PNLIPRP3: variants seen among roughly 807,000 people sequenced by gnomAD.
The protein encoded by PNLIPRP3 is pancreatic lipase-related protein 3.
PNLIPRP3 carries 58 observed loss-of-function variants against 52.8 expected under a neutral mutation model. The observed-to-expected ratio is 1.10, with a 90% CI of 0.89 to 1.37. The LOEUF (loss-of-function observed/expected upper bound fraction) is 1.37, where lower values mean the gene tolerates loss of function less well. Among genes scored for constraint, PNLIPRP3 ranks in the 40% most tolerant of loss-of-function variants. The pLI is 0.00. For synonymous variants in PNLIPRP3, 192 were observed against 185.0 expected (o/e 1.04, Z -0.31); for missense variants, 593 against 561.6 (o/e 1.06, Z -0.57).
At chr10:116,429,373 G>A (rs1485382070) in intron 1 of PNLIPRP3, among the ~76,000 whole-genome samples, 4 of 152,142 alleles carry the variant, frequency 2.6e-5, no homozygotes, top group African/African-American at 9.7e-5. Context: ...TTGGATAAGG[G>A]ATACTCAATC....
At chr10:116,443,797 GTGTGCATATATATATA>G (rs1278445667) in intron 3 of PNLIPRP3, among the ~76,000 whole-genome samples, 4,047 of 120,064 alleles carry the variant, frequency 0.034, 247 homozygotes, top group Middle Eastern at 0.045. Context: ...ATGTATGTGT[GTGTGCATATATATATA>G]TATATATATA....
intron 4 of PNLIPRP3, among the ~76,000 whole-genome samples, chr10:116,451,180 G>A (rs1846031354): frequency 6.6e-6 from 1 of 152,046 alleles, no homozygotes; most frequent in Non-Finnish European, 1.5e-5. Flanking sequence ...AGAAAGGATA[G>A]GCTCTTCCTA....
intron 6 of PNLIPRP3, 23 bp downstream of exon 6, chr10:116,461,108 A>G (rs1464928185): frequency 1.2e-6 from 2 of 1,614,030 alleles, no homozygotes; most frequent in East Asian, 4.5e-5. Context: ...AGAATCAGAA[A>G]CTTCATTGAA....
chr10:116,433,584 T>C (rs929843327), intron 1 of PNLIPRP3, among the ~76,000 whole-genome samples: 2 of 152,210 alleles, frequency 1.3e-5, no homozygotes, highest in African/African-American at 4.8e-5. Flanking sequence ...AGTATGTAGA[T>C]TGTATTGTTG....
At chr10:116,446,117 C>A (rs1003872568) in intron 4 of PNLIPRP3, among the ~76,000 whole-genome samples, 33 of 152,090 alleles carry the variant, frequency 2.2e-4, no homozygotes, top group African/African-American at 6.3e-4. Context: ...GAGGCCAAGG[C>A]GGGTAGATCA....
At chr10:116,439,724 C>T (rs1349183855) in intron 2 of PNLIPRP3, 6 of 769,828 alleles carry the variant, frequency 7.8e-6, no homozygotes, top group Middle Eastern at 3.5e-4. Flanking sequence ...TTGATCTAGG[C>T]GCAGAATTCT....
intron 10 of PNLIPRP3, among the ~76,000 whole-genome samples, chr10:116,474,984 C>T (rs1846435304): frequency 6.6e-6 from 1 of 152,152 alleles, no homozygotes; most frequent in Non-Finnish European, 1.5e-5. Context: ...CACATGCATG[C>T]ATATGTTCAT....
At chr10:116,468,124 C>T (rs1373798612) in intron 8 of PNLIPRP3, among the ~76,000 whole-genome samples, 4 of 59,212 alleles carry the variant, frequency 6.8e-5, no homozygotes, top group Non-Finnish European at 1.2e-4. Context: ...GACTCTGTCT[C>T]GCAAAAAAAA....
chr10:116,427,873 A>G lies in PNLIPRP3; in HGVS notation c.-140A>G, dbSNP rs1475150950. Reference sequence around the variant, plus strand: ...TTTACTTTGCAGAGCATAAGGTGGAATAACATGTTCTTTTAAACGTAGAGT... The same window carrying G: ...TTTACTTTGCAGAGCATAAGGTGGAGTAACATGTTCTTTTAAACGTAGAGT... On this transcript the variant is annotated 5_prime_UTR_variant, in exon 1 of 12. Transcript: ENST00000369230. The G allele has an allele frequency of 1.2e-5, 8 of 683,156 alleles. No homozygotes were observed. The East Asian group carries it at 2.2e-4, about 19-fold the overall frequency. The allele number at this position is 683,156 out of a possible 1,614,324, so 42.3% of individuals were successfully genotyped here. A position where few individuals can be genotyped will look rare whatever the true frequency, so the allele number is the denominator to read the frequency against.
chr10:116,469,911 T>C (rs1204425866), intron 9 of PNLIPRP3, among the ~76,000 whole-genome samples: 1 of 150,356 alleles, frequency 6.7e-6, no homozygotes, highest in Non-Finnish European at 1.5e-5. Context: ...TCTGCATGGA[T>C]TAGAAGGCCA....
Position 116,427,932 on chromosome 10 carries a change from C to A in PNLIPRP3, c.-81C>A, listed in dbSNP as rs41284366. On this transcript the variant is annotated 5_prime_UTR_variant, in exon 1 of 12. Coordinates refer to ENST00000369230, the MANE Select transcript of PNLIPRP3 (RefSeq NM_001011709.3). Reference sequence around the variant, plus strand: ...TGAGTTGCATCATTGTGAGGAAAACCACTTAGTATTTTATAGTGAGGTGAC... The same window carrying A: ...TGAGTTGCATCATTGTGAGGAAAACAACTTAGTATTTTATAGTGAGGTGAC... 23,538 of 1,057,142 alleles carry A rather than the reference C, an allele frequency of 0.022. 339 individuals are homozygous for A. Among genetic ancestry groups the A allele is most frequent in the Non-Finnish European group, 0.029 (19,891 of 684,276 alleles). 65.5% of individuals were successfully genotyped at this position (1,057,142 alleles called of 1,614,324 possible).
intron 3 of PNLIPRP3, among the ~76,000 whole-genome samples, chr10:116,443,603 T>TTA (rs1427094838): frequency 5.5e-5 from 4 of 72,098 alleles, no homozygotes; most frequent in Admixed American, 4.1e-4. Flanking sequence ...AGAATTAAAT[T>TTA]TATATATATG....
intron 9 of PNLIPRP3, among the ~76,000 whole-genome samples, chr10:116,469,998 A>G (rs1411085768): frequency 6.7e-6 from 1 of 148,728 alleles, no homozygotes; most frequent in Non-Finnish European, 1.5e-5. Context: ...AGAAGTAGAG[A>G]GGTTGCAAAG....
chr10:116,439,248 A>G (rs1845822935), intron 2 of PNLIPRP3, among the ~76,000 whole-genome samples: 1 of 152,232 alleles, frequency 6.6e-6, no homozygotes, highest in African/African-American at 2.4e-5. Flanking sequence ...TACAACTTTC[A>G]TACAGTTTCA....
intron 1 of PNLIPRP3, among the ~76,000 whole-genome samples, chr10:116,433,558 C>A (rs1191699658): frequency 6.6e-6 from 1 of 152,158 alleles, no homozygotes; most frequent in Non-Finnish European, 1.5e-5. Flanking sequence ...AAACTGAAAT[C>A]TACATACCCT....
chr10:116,449,538 T>C (rs968843898), intron 4 of PNLIPRP3, among the ~76,000 whole-genome samples: 2 of 152,106 alleles, frequency 1.3e-5, no homozygotes, highest in African/African-American at 2.4e-5. Context: ...CAGGAAGATA[T>C]AATAATTATA....
intron 4 of PNLIPRP3, among the ~76,000 whole-genome samples, chr10:116,453,437 G>A (rs548668503): frequency 6.6e-6 from 1 of 152,098 alleles, no homozygotes; most frequent in Non-Finnish European, 1.5e-5. Flanking sequence ...ATTGTATTTT[G>A]CAATGTGAAA....
At chr10:116,441,510 G>A (rs1845857772) in intron 2 of PNLIPRP3, among the ~76,000 whole-genome samples, 1 of 152,174 alleles carries the variant, frequency 6.6e-6, no homozygotes, top group African/African-American at 2.4e-5. Context: ...TGAGCACCTG[G>A]ATTATCTTAG....
At chr10:116,446,348 A>C (rs1845951698) in intron 4 of PNLIPRP3, among the ~76,000 whole-genome samples, 1 of 16,430 alleles carries the variant, frequency 6.1e-5, no homozygotes, top group Non-Finnish European at 2.0e-3. Context: ...TGCGTCTCAA[A>C]AAAAAAAAAA....
Sources: gnomAD v4.1 joint callset for allele counts (sites outside exome capture counted in the v4.1 genomes callset) on GRCh38, gnomAD v4.1.1 for gene constraint, MANE v1.5 for transcripts, NCBI Gene and HGNC (gene_info 2026-07-23, HGNC 2026-07-21) for gene names.